RBM47: variants seen among roughly 807,000 people sequenced by gnomAD.
RBM47 encodes RNA binding motif protein 47.
A neutral mutation model predicts 47.1 loss-of-function variants in RBM47; 21 were observed. The ratio of observed to expected loss-of-function variants is 0.45; its 90% CI spans 0.32 to 0.64. The LOEUF (loss-of-function observed/expected upper bound fraction) is 0.64. Among genes scored for constraint, RBM47 ranks in the 30% least tolerant of loss-of-function variants. The pLI, the probability that RBM47 is intolerant of heterozygous loss-of-function variation, is 0.05. For missense variants in RBM47, 708 were observed against 870.9 expected, an observed-to-expected ratio of 0.81 and a Z score of 2.35; for synonymous variants, 375 against 361.7, an observed-to-expected ratio of 1.04 and a Z score of -0.42.
At chr4:40,522,366 G>A (rs1286092742) in intron 2 of RBM47, among the ~76,000 whole-genome samples, 7 of 152,078 alleles carry the variant, frequency 4.6e-5, no homozygotes, top group African/African-American at 9.7e-5. Context: ...TTAGCCCGGC[G>A]TGGTGGCAGG....
chr4:40,550,449 C>T (rs1729453146), intron 1 of RBM47, among the ~76,000 whole-genome samples: 1 of 152,078 alleles, frequency 6.6e-6, no homozygotes, highest in African/African-American at 2.4e-5. Flanking sequence ...GACAGAGTCT[C>T]ACTCTGTCGC....
At chr4:40,563,596 A>C (rs1730833983) in intron 1 of RBM47, among the ~76,000 whole-genome samples, 2 of 152,232 alleles carry the variant, frequency 1.3e-5, no homozygotes, top group South Asian at 4.1e-4. Flanking sequence ...GGGGCCCCAA[A>C]GGAAGGCCTT....
intron 3 of RBM47, among the ~76,000 whole-genome samples, chr4:40,453,852 A>G (rs570314160): frequency 1.3e-5 from 2 of 151,088 alleles, no homozygotes; most frequent in African/African-American, 2.5e-5. Context: ...TTTTTTTTTA[A>G]AAAAAGAAAG....
chr4:40,608,753 A>G (rs1461158156), intron 1 of RBM47, among the ~76,000 whole-genome samples: 2 of 152,198 alleles, frequency 1.3e-5, no homozygotes, highest in African/African-American at 2.4e-5. Flanking sequence ...TAAGGCAAGT[A>G]CAATCCTAAA....
chr4:40,568,942 T>C (rs142709694), intron 1 of RBM47, among the ~76,000 whole-genome samples: 2,936 of 151,298 alleles, frequency 0.019, 83 homozygotes, highest in Non-Finnish European at 0.026. Context: ...GATTGCGCCA[T>C]TGCACTCCAG....
chr4:40,497,381 G>A (rs1400834959), intron 2 of RBM47, among the ~76,000 whole-genome samples: 3 of 152,182 alleles, frequency 2.0e-5, no homozygotes, highest in Non-Finnish European at 2.9e-5. Context: ...CACTTTGAGA[G>A]GCCAAGGTGG....
intron 2 of RBM47, among the ~76,000 whole-genome samples, chr4:40,541,160 C>T (rs532423197): frequency 1.5e-4 from 22 of 150,480 alleles, no homozygotes; most frequent in East Asian, 7.8e-4. Flanking sequence ...CAGCTACTCA[C>T]GAGGCTGAGG....
chr4:40,434,046 G>A (rs1264249008), intron 5 of RBM47, among the ~76,000 whole-genome samples: 3 of 142,410 alleles, frequency 2.1e-5, no homozygotes, highest in Non-Finnish European at 4.5e-5. Context: ...TGTGTTGAAA[G>A]GACAAACAAA....
At chr4:40,607,137 G>T (rs1422202091) in intron 1 of RBM47, among the ~76,000 whole-genome samples, 1 of 152,034 alleles carries the variant, frequency 6.6e-6, no homozygotes, top group Non-Finnish European at 1.5e-5. Context: ...ACAAAATCTG[G>T]TATGTCCGTA....
At position 40,423,704 on chromosome 4, in the gene RBM47, C is replaced by CTTTCT. The variant is rs1157804166; in HGVS notation, c.*2195_*2199dup. 2.0e-4 allele frequency: 9 copies of CTTTCT among 45,566 alleles called. No homozygotes were observed. The highest frequency in any genetic ancestry group is 6.2e-4 in the South Asian group (1 of 1,626). 2.8% of individuals were successfully genotyped at this position (45,566 alleles called of 1,614,324 possible). On this transcript the variant is annotated 3_prime_UTR_variant, in exon 7 of 7. Transcript: ENST00000295971. ...TCTTTCTTTCTTTCTTTCTTTCTTTCTTTCTTTCTTTTCTTTCTTTTCTTT... is the reference window on the plus strand; with the variant it reads ...TCTTTCTTTCTTTCTTTCTTTCTTTCTTTCTTTTCTTTCTTTTCTTTCTTTTCTTT...
chr4:40,529,851 A>C (rs1727195386), intron 2 of RBM47, among the ~76,000 whole-genome samples: 1 of 146,100 alleles, frequency 6.8e-6, no homozygotes, highest in Non-Finnish European at 1.5e-5. Context: ...TAAATAAATA[A>C]ATAAATAAAT....
intron 2 of RBM47, among the ~76,000 whole-genome samples, chr4:40,517,293 C>T (rs1430469300): frequency 6.6e-6 from 1 of 152,176 alleles, no homozygotes; most frequent in Non-Finnish European, 1.5e-5. Context: ...CACCACCACA[C>T]CTGGCTAATT....
rs573543435 is a variant in RBM47, at chr4:40,427,941, A to G, written c.1543-1798T>C. On this transcript the variant is annotated intron_variant, in intron 6 of 6. Transcript: ENST00000295971. The stretch of plus-strand genomic sequence containing the variant: ...TGAGGTGGCTCATGCCTGTAATCCT[A>G]GCACTTTGGGAGGTTGAGGTAGGAG... 5.3e-5 allele frequency among the ~76,000 whole-genome samples: 8 copies of G among 152,284 alleles called. No individual in the cohort carries two copies. The South Asian group carries it at 1.4e-3, about 28-fold the overall frequency.
intron 1 of RBM47, among the ~76,000 whole-genome samples, chr4:40,615,375 C>T (rs1024436167): frequency 2.0e-4 from 31 of 152,054 alleles, no homozygotes; most frequent in African/African-American, 7.5e-4. Flanking sequence ...CCCAGGAGGT[C>T]AAGGCTGCAG....
chr4:40,501,841 T>C (rs1467842127), intron 2 of RBM47, among the ~76,000 whole-genome samples: 1 of 152,196 alleles, frequency 6.6e-6, no homozygotes. Context: ...TCAACTTTTC[T>C]CAAGAGTCAA....
chr4:40,436,742 T>C, intron 4 of RBM47, 95 bp from the exon 5 acceptor site: 1 of 1,192,186 alleles, frequency 8.4e-7, no homozygotes, highest in East Asian at 2.3e-5. Context: ...ACTGCCCCAG[T>C]CTTAATTGCA....
intron 1 of RBM47, among the ~76,000 whole-genome samples, chr4:40,587,345 G>C (rs75523051): frequency 0.023 from 3,424 of 152,168 alleles, 141 homozygotes; most frequent in African/African-American, 0.074. Flanking sequence ...GTGGGGCAGG[G>C]ATGGGGGTTA....
At chr4:40,477,303 C>T (rs75635931) in intron 2 of RBM47, among the ~76,000 whole-genome samples, 1 of 152,164 alleles carries the variant, frequency 6.6e-6, no homozygotes, top group Admixed American at 6.5e-5. Context: ...TAGCTATCGA[C>T]AGTGACTATA....
At chr4:40,627,459 T>A (rs1011981259) in intron 1 of RBM47, among the ~76,000 whole-genome samples, 1 of 152,274 alleles carries the variant, frequency 6.6e-6, no homozygotes, top group Non-Finnish European at 1.5e-5. Context: ...TTCTGAAAAA[T>A]CAAGAGACTT....
Sources: gnomAD v4.1 joint callset for allele counts (sites outside exome capture counted in the v4.1 genomes callset) on GRCh38, gnomAD v4.1.1 for gene constraint, MANE v1.5 for transcripts, NCBI Gene and HGNC (gene_info 2026-07-23, HGNC 2026-07-21) for gene names.